ATM: variants seen among roughly 807,000 people sequenced by gnomAD.
ATM encodes serine-protein kinase ATM.
Under a neutral mutation model 387.0 loss-of-function variants are expected in ATM, and 308 were observed. The ratio of observed to expected loss-of-function variants is 0.80; its 90% CI spans 0.73 to 0.87. ATM has a LOEUF of 0.87. Ranked by LOEUF, ATM falls within the 40% of genes least tolerant of loss-of-function variation. The probability of loss-of-function intolerance (pLI) is 0.00; values close to 1 mark genes in which losing one functional copy is unlikely to be tolerated. For synonymous variants in ATM, 1,156 were observed against 1,187.3 expected (o/e 0.97, Z 0.54); for missense variants, 3,312 against 3,560.9 (o/e 0.93, Z 1.78).
chr11:108,252,694 AT>A, intron 11 of ATM, 122 bp from the exon 12 acceptor site: 1 of 711,178 alleles, frequency 1.4e-6, no homozygotes, highest in South Asian at 1.7e-5. Flanking sequence ...GATGAAAGCA[AT>A]TTTAATCTAG....
At chr11:108,246,286 T>G (rs1465583521) in intron 7 of ATM, among the ~76,000 whole-genome samples, 5 of 152,180 alleles carry the variant, frequency 3.3e-5, no homozygotes, top group Non-Finnish European at 5.9e-5. Flanking sequence ...AGGATGAAGA[T>G]CAGGCTTATT....
intron 56 of ATM, among the ~76,000 whole-genome samples, chr11:108,339,935 AT>A (rs958071566): frequency 6.6e-6 from 1 of 152,170 alleles, no homozygotes; most frequent in Non-Finnish European, 1.5e-5. Context: ...GAGATCATTC[AT>A]TTGTTTATTC....
At chr11:108,271,003 A>G in intron 18 of ATM, 61 bp from the exon 19 acceptor site, 2 of 1,429,954 alleles carry the variant, frequency 1.4e-6, no homozygotes, top group East Asian at 2.3e-5. Context: ...CTATGTTTAT[A>G]TACTTTTTAA....
rs1381779608 is a variant in ATM at position 108,353,747 on chromosome 11, A to T, written c.8672-19A>T. The stretch of plus-strand genomic sequence containing the variant: ...ATTAGCTGTCAAACCTCCTAACTTC[A>T]CTGTATTCTTTACTTTAGGTGTTGC... On this transcript the variant is annotated intron_variant, in intron 59 of 62. Transcript: ENST00000675843. 5.1e-6 allele frequency: 8 copies of T among 1,567,234 alleles called. No individual in the cohort carries two copies. The South Asian group carries it at 8.9e-5, about 17-fold the overall frequency.
At chr11:108,317,644 T>TACAC (rs1406149954) in intron 43 of ATM, 123 bp downstream of exon 43, 1 of 153,486 alleles carries the variant, frequency 6.5e-6, no homozygotes, top group African/African-American at 3.9e-5. Context: ...TATATATATA[T>TACAC]ATATATATAC....
At chr11:108,329,721 C>T (rs549863215) in intron 49 of ATM, among the ~76,000 whole-genome samples, 40 of 152,190 alleles carry the variant, frequency 2.6e-4, no homozygotes, top group African/African-American at 9.1e-4. Flanking sequence ...TGTCTTGGTC[C>T]TACTGTAGTT....
intron 56 of ATM, among the ~76,000 whole-genome samples, chr11:108,341,641 G>A (rs986670124): frequency 6.6e-6 from 1 of 152,096 alleles, no homozygotes; most frequent in Non-Finnish European, 1.5e-5. Context: ...ATAAGGACGA[G>A]TGACCAGCTG....
chr11:108,301,596 A>G (rs2135910349), intron 34 of ATM, 52 bp from the exon 35 acceptor site: 1 of 1,610,858 alleles, frequency 6.2e-7, no homozygotes. Context: ...GTTAACATTC[A>G]TCAAGATTAA....
chr11:108,323,786 T>C (rs555459390), intron 45 of ATM, among the ~76,000 whole-genome samples: 10 of 152,166 alleles, frequency 6.6e-5, no homozygotes, highest in Non-Finnish European at 1.2e-4. Context: ...AGAGGGAAGG[T>C]TGGATGAACT....
intron 38 of ATM, chr11:108,308,185 G>C (rs1320040036): frequency 1.7e-6 from 1 of 578,976 alleles, no homozygotes; most frequent in Middle Eastern, 4.9e-4. Context: ...CTCAATTCTA[G>C]TACCAGCTGT....
rs1028813117 is a variant in ATM, at chr11:108,332,156, G to A, written c.7788+119G>A. ...TCTAAAATCGGTTCAAGGCTGGCAC[G>A]GTGGCTCACGCCTGTAATCCCAGCA... On this transcript the variant is annotated intron_variant, in intron 52 of 62. Transcript: ENST00000675843. The A allele has an allele frequency of 7.9e-5, 103 of 1,295,966 alleles. No homozygotes were observed. The Middle Eastern group carries it at 1.0e-3, about 13-fold the overall frequency. 80.3% of individuals were successfully genotyped at this position (1,295,966 alleles called of 1,614,324 possible).
intron 59 of ATM, among the ~76,000 whole-genome samples, chr11:108,351,073 A>G (rs534551952): frequency 6.6e-6 from 1 of 152,356 alleles, no homozygotes; most frequent in African/African-American, 2.4e-5. Flanking sequence ...TTTGTATATA[A>G]TGAGATTGAA....
chr11:108,313,191 T>A (rs2084323978), intron 40 of ATM, among the ~76,000 whole-genome samples: 1 of 152,244 alleles, frequency 6.6e-6, no homozygotes, highest in African/African-American at 2.4e-5. Flanking sequence ...TGCTTTGTTT[T>A]TTTATCTGCT....
chr11:108,235,033 G>T (rs2079197803), intron 4 of ATM, among the ~76,000 whole-genome samples: 1 of 151,994 alleles, frequency 6.6e-6, no homozygotes, highest in African/African-American at 2.4e-5. Context: ...AATTATTAAG[G>T]TTATAATTGT....
intron 8 of ATM, among the ~76,000 whole-genome samples, chr11:108,248,119 A>G (rs2079945256): frequency 6.6e-6 from 1 of 152,196 alleles, no homozygotes; most frequent in Non-Finnish European, 1.5e-5. Context: ...TTTACCATGA[A>G]TCAGTACTTC....
At chr11:108,338,729 T>TA (rs1016296273) in intron 56 of ATM, among the ~76,000 whole-genome samples, 15 of 152,286 alleles carry the variant, frequency 9.8e-5, no homozygotes, top group African/African-American at 3.6e-4. Context: ...AATATTAAAG[T>TA]AAAACCTGTA....
At chr11:108,227,480 T>C (rs1284001568) in intron 1 of ATM, 115 bp from the exon 2 acceptor site, 5 of 662,322 alleles carry the variant, frequency 7.5e-6, no homozygotes, top group Non-Finnish European at 1.3e-5. Flanking sequence ...CAGTTAAATC[T>C]AACTATAAAT....
At position 108,334,980 on chromosome 11, in the gene ATM, A is replaced by G; in HGVS notation, c.8022A>G (p.Thr2674=). 6.2e-7 allele frequency: 1 copy of G among 1,613,468 alleles called. No individual in the cohort carries two copies. Residue 2674 remains threonine, a synonymous_variant, in exon 55 of 63, where the codon ACA becomes ACG. Transcript: ENST00000675843. The stretch of plus-strand genomic sequence containing the variant: ...TATACTTTTATTAGGTGGACCACAC[A>G]GGAGAATATGGAAATCTGGTGACTA... ...VPTMEIKVDH[T]GEYGNLVTIQ...
At chr11:108,344,044 C>T (rs372575017) in intron 57 of ATM, among the ~76,000 whole-genome samples, 1 of 152,058 alleles carries the variant, frequency 6.6e-6, no homozygotes, top group African/African-American at 2.4e-5. Context: ...GAGAACTTGC[C>T]CAAGGCCAGT....
Sources: gnomAD v4.1 joint callset for allele counts (sites outside exome capture counted in the v4.1 genomes callset) on GRCh38, gnomAD v4.1.1 for gene constraint, MANE v1.5 for transcripts, NCBI Gene and HGNC (gene_info 2026-07-23, HGNC 2026-07-21) for gene names.